The following ADAMTS19 variants were observed in gnomAD, a reference collection of about 807,000 sequenced individuals.
ADAMTS19 encodes the protein ADAM metallopeptidase with thrombospondin type 1 motif 19.
In ADAMTS19, 93 loss-of-function variants were observed where a neutral mutation model predicts 153.3. That is an observed-to-expected ratio of 0.61 (90% CI 0.51 to 0.72). ADAMTS19 has a LOEUF of 0.72. ADAMTS19 is among the 30% of genes least tolerant of loss of function. The probability of loss-of-function intolerance (pLI) is 0.00; values close to 1 mark genes in which losing one functional copy is unlikely to be tolerated. For synonymous variants in ADAMTS19, 600 were observed against 556.6 expected, an observed-to-expected ratio of 1.08 and a Z score of -1.10; for missense variants, 1,482 against 1,552.1, an observed-to-expected ratio of 0.95 and a Z score of 0.76.
chr5:129,517,364 A>C (rs1751649428), intron 3 of ADAMTS19, among the ~76,000 whole-genome samples: 1 of 151,988 alleles, frequency 6.6e-6, no homozygotes, highest in African/African-American at 2.4e-5. Context: ...AGATGTGCCC[A>C]GTGCTTAAAG....
intron 10 of ADAMTS19, among the ~76,000 whole-genome samples, chr5:129,628,945 C>T (rs892971470): frequency 1.4e-4 from 21 of 152,074 alleles, no homozygotes; most frequent in Non-Finnish European, 5.9e-5. Context: ...CCTAATGACA[C>T]ATTTCTCAAA....
chr5:129,613,502 A>G (rs1203276432), intron 8 of ADAMTS19, among the ~76,000 whole-genome samples: 1 of 152,188 alleles, frequency 6.6e-6, no homozygotes, highest in Non-Finnish European at 1.5e-5. Context: ...ACAAAGACAC[A>G]ACATACCAGA....
At chr5:129,473,842 G>C (rs1750140891) in intron 2 of ADAMTS19, among the ~76,000 whole-genome samples, 1 of 151,946 alleles carries the variant, frequency 6.6e-6, no homozygotes, top group African/African-American at 2.4e-5. Flanking sequence ...GATTTTTTCA[G>C]GGTAAATCAG....
chr5:129,600,816 C>G (rs1750610106), intron 8 of ADAMTS19, among the ~76,000 whole-genome samples: 1 of 151,786 alleles, frequency 6.6e-6, no homozygotes, highest in African/African-American at 2.4e-5. Flanking sequence ...TTTAAAATTG[C>G]CTTTCAGAAC....
intron 6 of ADAMTS19, among the ~76,000 whole-genome samples, chr5:129,536,741 A>T (rs951177635): frequency 6.6e-6 from 1 of 152,220 alleles, no homozygotes; most frequent in Non-Finnish European, 1.5e-5. Flanking sequence ...ATAAAAAATG[A>T]AGAGTTCATG....
chr5:129,505,668 C>T (rs913917649), intron 2 of ADAMTS19, among the ~76,000 whole-genome samples: 1 of 152,014 alleles, frequency 6.6e-6, no homozygotes, highest in Admixed American at 6.6e-5. Flanking sequence ...TGACTGGTAG[C>T]TTATTTTCAC....
intron 2 of ADAMTS19, among the ~76,000 whole-genome samples, chr5:129,498,041 T>C (rs990034829): frequency 6.6e-6 from 1 of 152,232 alleles, no homozygotes; most frequent in South Asian, 2.1e-4. Flanking sequence ...AATCATGTCC[T>C]GCCAACCTGT....
intron 6 of ADAMTS19, among the ~76,000 whole-genome samples, chr5:129,533,251 C>T (rs1425930134): frequency 6.6e-6 from 1 of 152,120 alleles, no homozygotes; most frequent in Non-Finnish European, 1.5e-5. Context: ...TGCAAAAAGG[C>T]AGAAGGAACT....
At chr5:129,565,369 G>A (rs1753671369) in intron 7 of ADAMTS19, among the ~76,000 whole-genome samples, 1 of 152,040 alleles carries the variant, frequency 6.6e-6, no homozygotes, top group Non-Finnish European at 1.5e-5. Flanking sequence ...CCTTCATCTT[G>A]TACTAAATTC....
In ADAMTS19 at chr5:129,569,163, A is replaced by G. The variant is rs547850204; in HGVS notation, c.1372+17256A>G. 3.3e-5 allele frequency among the ~76,000 whole-genome samples: 5 copies of G among 152,218 alleles called. No individual in the cohort carries two copies. In the East Asian group the frequency reaches 9.7e-4, roughly 29 times the overall value. ...GTAGTAAAAAGTAAAAAACAAAAAC[A>G]AAACAAAAAAACCCTCAAGTGACTA... On this transcript the variant is annotated intron_variant, in intron 7 of 22. Coordinates refer to ENST00000274487, the MANE Select transcript of ADAMTS19 (RefSeq NM_133638.6).
intron 21 of ADAMTS19, among the ~76,000 whole-genome samples, chr5:129,727,956 G>C (rs1021561722): frequency 6.6e-6 from 1 of 152,096 alleles, no homozygotes; most frequent in Admixed American, 6.6e-5. Flanking sequence ...GGATGAGATG[G>C]GAGGTGGGCA....
intron 7 of ADAMTS19, among the ~76,000 whole-genome samples, chr5:129,556,351 T>C (rs1753311198): frequency 6.6e-6 from 1 of 152,206 alleles, no homozygotes; most frequent in Admixed American, 6.5e-5. Flanking sequence ...AAATCTTAGA[T>C]TGAATGAACT....
chr5:129,526,849 G>A (rs113474634), intron 4 of ADAMTS19, among the ~76,000 whole-genome samples: 7,504 of 151,318 alleles, frequency 0.05, 600 homozygotes, highest in African/African-American at 0.17. Flanking sequence ...TATATTTATG[G>A]GGTACATAAG....
chr5:129,610,535 T>C (rs1022205305), intron 8 of ADAMTS19, among the ~76,000 whole-genome samples: 5 of 152,066 alleles, frequency 3.3e-5, no homozygotes, highest in East Asian at 3.9e-4. Flanking sequence ...TGAGAACATA[T>C]GGTGTTTGGT....
At chr5:129,528,454 T>C (rs1752090018) in intron 5 of ADAMTS19, 66 bp from the exon 6 acceptor site, 3 of 1,265,434 alleles carry the variant, frequency 2.4e-6, no homozygotes, top group South Asian at 3.7e-5. Flanking sequence ...GTTATTGTTG[T>C]TGTTGTTGTT....
chr5:129,561,281 A>G (rs1247893830), intron 7 of ADAMTS19, among the ~76,000 whole-genome samples: 3 of 152,178 alleles, frequency 2.0e-5, no homozygotes, highest in South Asian at 2.1e-4. Flanking sequence ...GTTGACCTGT[A>G]TGAGGAAAAT....
At chr5:129,517,372 A>G (rs1330203507) in intron 3 of ADAMTS19, among the ~76,000 whole-genome samples, 1 of 151,904 alleles carries the variant, frequency 6.6e-6, no homozygotes, top group East Asian at 1.9e-4. Flanking sequence ...CCAGTGCTTA[A>G]AGTGGGGTGT....
intron 16 of ADAMTS19, among the ~76,000 whole-genome samples, chr5:129,671,282 G>A (rs1306823355): frequency 2.6e-5 from 4 of 152,150 alleles, no homozygotes; most frequent in Non-Finnish European, 5.9e-5. Flanking sequence ...CTGAAAAATA[G>A]ATGTGAGTGT....
chr5:129,595,006 CTATTT>C (rs1750307937), intron 7 of ADAMTS19, among the ~76,000 whole-genome samples: 1 of 151,992 alleles, frequency 6.6e-6, no homozygotes, highest in Non-Finnish European at 1.5e-5. Context: ...TCTATAAAAT[CTATTT>C]TAATTTGTAA....
Sources: gnomAD v4.1 joint callset for allele counts (sites outside exome capture counted in the v4.1 genomes callset) on GRCh38, gnomAD v4.1.1 for gene constraint, MANE v1.5 for transcripts, NCBI Gene and HGNC (gene_info 2026-07-23, HGNC 2026-07-21) for gene names.